The following ADCY10 variants were observed in gnomAD, a reference collection of about 807,000 sequenced individuals.
ADCY10 encodes adenylate cyclase type 10.
Under a neutral mutation model 183.3 loss-of-function variants are expected in ADCY10, and 156 were observed. The ratio of observed to expected loss-of-function variants is 0.85; its 90% confidence interval spans 0.75 to 0.97. ADCY10 has a LOEUF of 0.97. ADCY10 is among the 50% of genes least tolerant of loss of function. The probability of loss-of-function intolerance (pLI) is 0.00; values close to 1 mark genes in which losing one functional copy is unlikely to be tolerated. For missense variants in ADCY10, 1,745 were observed against 1,934.3 expected, an observed-to-expected ratio of 0.90 and a Z score of 1.84; for synonymous variants, 645 against 670.0, an observed-to-expected ratio of 0.96 and a Z score of 0.58.
Position 167,904,806 on chromosome 1 carries a change from G to A in ADCY10, c.148+187C>T, listed in dbSNP as rs1013459490. 7.0e-6 allele frequency: 5 copies of A among 718,004 alleles called. No individual in the cohort carries two copies. In the African/African-American group the frequency reaches 7.0e-5, roughly 10 times the overall value. The allele number at this position is 718,004 out of a possible 1,614,324, so 44.5% of individuals were successfully genotyped here. ...GCCTATGACTGGCAGTCCTGAGTAA[G>A]GGAGGATGAGAGAGAGCCAGGGCCA... On this transcript the variant is annotated intron_variant, in intron 2 of 32. Coordinates refer to ENST00000367851, the MANE Select transcript of ADCY10 (RefSeq NM_018417.6).
At chr1:167,865,391 T>C (rs1056202495) in intron 14 of ADCY10, among the ~76,000 whole-genome samples, 11 of 152,210 alleles carry the variant, frequency 7.2e-5, no homozygotes, top group Admixed American at 6.5e-4. Context: ...CAGGTTTTTC[T>C]TGAAGCACCA....
In ADCY10 at chr1:167,830,636, C is replaced by T. The variant is rs571727285; in HGVS notation, c.3594-1213G>A. On this transcript the variant is annotated intron_variant, in intron 25 of 32. Coordinates refer to ENST00000367851, the MANE Select transcript of ADCY10 (RefSeq NM_018417.6). ...CCTGAACCCCTGACCTCAGGTGATCCGCCTGCCTCAGCCTCCCGAAGTGCT... is the reference window on the plus strand; with the variant it reads ...CCTGAACCCCTGACCTCAGGTGATCTGCCTGCCTCAGCCTCCCGAAGTGCT... Among the ~76,000 whole-genome samples the T allele has an allele frequency of 1.6e-3, 248 of 152,286 alleles. 2 individuals carry two copies. Among genetic ancestry groups the T allele is most frequent in the Middle Eastern group, 0.01 (3 of 294 alleles).
chr1:167,889,717 T>C (rs1668472084), intron 8 of ADCY10, among the ~76,000 whole-genome samples: 4 of 152,188 alleles, frequency 2.6e-5, no homozygotes, highest in African/African-American at 9.6e-5. Flanking sequence ...TTGTTACTTG[T>C]TATTTATCTG....
At chr1:167,862,610 G>A (rs776602630) in intron 14 of ADCY10, among the ~76,000 whole-genome samples, 6 of 152,096 alleles carry the variant, frequency 3.9e-5, no homozygotes, top group Non-Finnish European at 5.9e-5. Context: ...CAGAGGCCCC[G>A]GCTAGTGAAT....
intron 31 of ADCY10, among the ~76,000 whole-genome samples, chr1:167,811,423 C>T (rs920888368): frequency 6.6e-6 from 1 of 152,048 alleles, no homozygotes; most frequent in Non-Finnish European, 1.5e-5. Context: ...TCCGTCTCTA[C>T]TAAAAATACA....
intron 9 of ADCY10, among the ~76,000 whole-genome samples, chr1:167,881,269 G>T (rs559377559): frequency 6.6e-6 from 1 of 152,186 alleles, no homozygotes; most frequent in Non-Finnish European, 1.5e-5. Flanking sequence ...TGTAGTATTA[G>T]TCACTTAAAA....
At chr1:167,815,088 G>A (rs1458342326) in intron 31 of ADCY10, among the ~76,000 whole-genome samples, 1 of 152,016 alleles carries the variant, frequency 6.6e-6, no homozygotes, top group East Asian at 1.9e-4. Context: ...TCACGCCATT[G>A]CACTCCAGCC....
intron 1 of ADCY10, among the ~76,000 whole-genome samples, chr1:167,912,123 C>A (rs1200149438): frequency 6.6e-6 from 1 of 152,216 alleles, no homozygotes; most frequent in Non-Finnish European, 1.5e-5. Flanking sequence ...TTTCTACAGG[C>A]ACATACCACA....
intron 3 of ADCY10, among the ~76,000 whole-genome samples, chr1:167,903,255 C>CAA (rs10636915): frequency 0.1 from 14,911 of 143,120 alleles, 919 homozygotes; most frequent in African/African-American, 0.18. Context: ...GACTCTGACT[C>CAA]AAAAAAAAAA....
At chr1:167,850,662 C>CGTGT (rs35744623) in intron 18 of ADCY10, among the ~76,000 whole-genome samples, 1,454 of 87,878 alleles carry the variant, frequency 0.017, 20 homozygotes, top group African/African-American at 0.03. Flanking sequence ...AAAAGGGGGC[C>CGTGT]GTGTGTGTGT....
In ADCY10 at chr1:167,878,779, C is replaced by G. The variant is rs1667673554; in HGVS notation, c.1217-144G>C. The G allele has an allele frequency of 3.7e-6, 3 of 809,112 alleles. No homozygotes were observed. The African/African-American group carries it at 5.2e-5, about 14-fold the overall frequency. The allele number at this position is 809,112 out of a possible 1,614,324, so 50.1% of individuals were successfully genotyped here. On this transcript the variant is annotated intron_variant, in intron 11 of 32. Coordinates refer to ENST00000367851, the MANE Select transcript of ADCY10 (RefSeq NM_018417.6). Reference sequence around the variant, plus strand: ...TGACACAGAAGCCTAGTCTCAAGACCCATATTCAGCCAATGGCTATTCACA... The same window carrying G: ...TGACACAGAAGCCTAGTCTCAAGACGCATATTCAGCCAATGGCTATTCACA...
intron 16 of ADCY10, among the ~76,000 whole-genome samples, chr1:167,858,476 C>A (rs955208890): frequency 8.7e-6 from 1 of 115,308 alleles, no homozygotes; most frequent in Non-Finnish European, 1.6e-5. Context: ...CCAGCCTGGG[C>A]GACAGAGCGA....
At chr1:167,907,241 A>G (rs114979844) in intron 1 of ADCY10, among the ~76,000 whole-genome samples, 3,220 of 152,360 alleles carry the variant, frequency 0.021, 100 homozygotes, top group African/African-American at 0.069. Flanking sequence ...GAGGCTACTC[A>G]TGGATCCCAG....
chr1:167,896,505 C>T, intron 7 of ADCY10, 90 bp downstream of exon 7: 1 of 1,049,670 alleles, frequency 9.5e-7, no homozygotes, highest in Non-Finnish European at 1.5e-6. Flanking sequence ...TTGAGGAGCC[C>T]ACCCACCAGT....
intron 26 of ADCY10, among the ~76,000 whole-genome samples, chr1:167,825,184 G>A (rs1053227734): frequency 2.0e-5 from 3 of 152,174 alleles, no homozygotes; most frequent in African/African-American, 4.8e-5. Flanking sequence ...ACTCCAAAGT[G>A]TAAACAGTAG....
intron 19 of ADCY10, 87 bp downstream of exon 19, chr1:167,848,274 C>T (rs1197801362): frequency 2.6e-6 from 3 of 1,150,542 alleles, no homozygotes; most frequent in Non-Finnish European, 3.8e-6. Context: ...TGGTCTCAAA[C>T]TCCTGACCTT....
chr1:167,837,445 C>G, intron 21 of ADCY10, 127 bp from the exon 22 acceptor site: 1 of 783,720 alleles, frequency 1.3e-6, no homozygotes, highest in East Asian at 2.6e-5. Context: ...ACCACATTGC[C>G]TAGTCCCCAT....
intron 18 of ADCY10, among the ~76,000 whole-genome samples, chr1:167,853,204 A>G (rs1665629688): frequency 6.6e-6 from 1 of 152,218 alleles, no homozygotes; most frequent in African/African-American, 2.4e-5. Flanking sequence ...CGTCGTGCTT[A>G]TAGCTGTTAA....
At position 167,901,813 on chromosome 1, in the gene ADCY10, GA is replaced by G; in HGVS notation, c.293-9del. 1 of 1,614,192 alleles carries G rather than the reference GA, an allele frequency of 6.2e-7. No individual in the cohort carries two copies. Among genetic ancestry groups the G allele is most frequent in the South Asian group, 1.1e-5 (1 of 91,088 alleles). ...GGGCTAGCAGTGCATCACCTTCAGAGAGAGACATGCCGCGGGCTTTTGACCT... is the reference window on the plus strand; with the variant it reads ...GGGCTAGCAGTGCATCACCTTCAGAGGAGACATGCCGCGGGCTTTTGACCT... On this transcript the variant is annotated splice_polypyrimidine_tract_variant and intron_variant, in intron 4 of 32. Transcript: ENST00000367851.
Sources: allele counts gnomAD v4.1 joint callset (sites outside exome capture counted in the v4.1 genomes callset), GRCh38; gene constraint gnomAD v4.1.1; transcripts MANE v1.5; gene names NCBI Gene and HGNC (gene_info 2026-07-23, HGNC 2026-07-21).